UACA: variants seen among roughly 807,000 people sequenced by gnomAD.
UACA encodes the protein nuclear membrane binding protein.
A neutral mutation model predicts 160.5 loss-of-function variants in UACA; 112 were observed. The observed-to-expected ratio is 0.70, with a 90% confidence interval of 0.60 to 0.82. UACA has a LOEUF of 0.82. UACA is among the 40% of genes least tolerant of loss of function. UACA has a pLI of 0.00. For synonymous variants in UACA, 557 were observed against 568.4 expected (o/e 0.98, Z 0.29); for missense variants, 1,574 against 1,614.6 (o/e 0.97, Z 0.43).
chr15:70,659,096 C>T (rs890080858), intron 18 of UACA, among the ~76,000 whole-genome samples: 4 of 152,140 alleles, frequency 2.6e-5, no homozygotes, highest in Non-Finnish European at 5.9e-5. Context: ...CCCACTTGAA[C>T]TTCCTATTCA....
chr15:70,696,505 G>A (rs1436210625), intron 2 of UACA, among the ~76,000 whole-genome samples: 1 of 152,080 alleles, frequency 6.6e-6, no homozygotes, highest in Non-Finnish European at 1.5e-5. Flanking sequence ...GTCTTGCGAC[G>A]CTATTAGTAT....
At position 70,715,716 on chromosome 15, in the gene UACA, T is replaced by A. The variant is rs923993746; in HGVS notation, c.79-16056A>T. 4.6e-5 allele frequency among the ~76,000 whole-genome samples: 7 copies of A among 152,254 alleles called. No individual in the cohort carries two copies. In the South Asian group the frequency reaches 8.3e-4, roughly 18 times the overall value. ...TCACACAGGATTTCCTTCCAGTGAG[T>A]CTTAATACATGTCTCCCATATTAAA... On this transcript the variant is annotated intron_variant, in intron 1 of 18. Transcript: ENST00000322954.
chr15:70,667,146 CTTCT>C lies in UACA; in HGVS notation c.3534_3537del (p.Glu1179LeufsTer4). 1 of 1,613,650 alleles carries C rather than the reference CTTCT, an allele frequency of 6.2e-7. No homozygotes were observed. On this transcript the variant is annotated frameshift_variant, in exon 16 of 19. Coordinates refer to ENST00000322954, the MANE Select transcript of UACA (RefSeq NM_018003.4). LOFTEE classifies it high-confidence loss of function. ...CTCAAGCTGGCTTTTATGATTCCAA[CTTCT>C]TTCTCAAATGCTTCTTTAATCTGCA...
At chr15:70,740,678 A>C (rs1899505210) in intron 1 of UACA, among the ~76,000 whole-genome samples, 1 of 145,810 alleles carries the variant, frequency 6.9e-6, no homozygotes, top group Non-Finnish European at 1.5e-5. Flanking sequence ...ATGGAGTTTT[A>C]GGGCAAAAAT....
chr15:70,727,562 T>A (rs1423014851), intron 1 of UACA, among the ~76,000 whole-genome samples: 2 of 152,200 alleles, frequency 1.3e-5, no homozygotes, highest in Non-Finnish European at 2.9e-5. Context: ...AACAACCTAT[T>A]TATAAATTAT....
At chr15:70,756,253 G>A (rs987387464) in intron 1 of UACA, among the ~76,000 whole-genome samples, 1 of 151,178 alleles carries the variant, frequency 6.6e-6, no homozygotes, top group East Asian at 1.9e-4. Flanking sequence ...TGCAACCTCC[G>A]CCTCCCAGGT....
At chr15:70,760,508 T>C (rs529850925) in intron 1 of UACA, among the ~76,000 whole-genome samples, 5 of 151,714 alleles carry the variant, frequency 3.3e-5, no homozygotes, top group Admixed American at 1.3e-4. Flanking sequence ...GACAACCCAA[T>C]AGAAAAATGG....
chr15:70,693,512 T>C (rs1898013695), intron 3 of UACA, among the ~76,000 whole-genome samples: 1 of 152,122 alleles, frequency 6.6e-6, no homozygotes, highest in South Asian at 2.1e-4. Context: ...GAAAAGACCC[T>C]TGTATTCAAT....
chr15:70,667,818 CTTT>C lies in UACA; in HGVS notation c.2863_2865del (p.Lys955del). On this transcript the variant is annotated inframe_deletion, in exon 16 of 19. Coordinates refer to ENST00000322954, the MANE Select transcript of UACA (RefSeq NM_018003.4). ...TGCAGTGTCACAATCTCTTCTTGGCCTTTTCTGTAGTTGGCCAAGATTTCAGCA... is the reference window on the plus strand; with the variant it reads ...TGCAGTGTCACAATCTCTTCTTGGCCTCTGTAGTTGGCCAAGATTTCAGCA... The C allele has an allele frequency of 6.2e-7, 1 of 1,613,948 alleles. No homozygotes were observed. Among genetic ancestry groups the C allele is most frequent in the Non-Finnish European group, 8.5e-7 (1 of 1,179,994 alleles).
At chr15:70,688,650 C>T (rs1566976628) in intron 5 of UACA, among the ~76,000 whole-genome samples, 1 of 151,844 alleles carries the variant, frequency 6.6e-6, no homozygotes, top group Admixed American at 6.6e-5. Context: ...GTAAAATTAG[C>T]GACCCTTTAC....
At chr15:70,679,707 G>A (rs1897425761) in intron 9 of UACA, 31 bp from the exon 10 acceptor site, 5 of 1,431,156 alleles carry the variant, frequency 3.5e-6, no homozygotes, top group Non-Finnish European at 4.8e-6. Context: ...ACACGGGTCA[G>A]CAAGTGTAAG....
At chr15:70,687,489 T>C in intron 7 of UACA, 51 bp downstream of exon 7, 1 of 1,575,606 alleles carries the variant, frequency 6.3e-7, no homozygotes, top group Non-Finnish European at 8.7e-7. Context: ...ACTTGGCCTT[T>C]CCATCCCTGT....
intron 9 of UACA, among the ~76,000 whole-genome samples, chr15:70,680,937 T>C (rs1897480433): frequency 6.6e-6 from 1 of 152,134 alleles, no homozygotes; most frequent in African/African-American, 2.4e-5. Flanking sequence ...ATCTAGCCCT[T>C]TGTTACTTTA....
In UACA at chr15:70,669,129, G is replaced by A; in HGVS notation, c.1555C>T (p.His519Tyr). The A allele has an allele frequency of 6.2e-7, 1 of 1,614,060 alleles. No individual in the cohort carries two copies. Among genetic ancestry groups the A allele is most frequent in the Non-Finnish European group, 8.5e-7 (1 of 1,180,006 alleles). Residue 519 changes from histidine to tyrosine, a missense_variant, in exon 16 of 19, where the codon CAT becomes TAT. Coordinates refer to ENST00000322954, the MANE Select transcript of UACA (RefSeq NM_018003.4). The stretch of plus-strand genomic sequence containing the variant: ...AAGTGTTCTTTAAGGGCAAGAAAAT[G>A]GGTCTGCATTTGTTTAACTTTACCT... ...SEGKVKQMQT[H>Y]FLALKEHLTS...
chr15:70,749,698 C>CAAAAAAAAAAAAAAAAAAAAAAA (rs11292883), intron 1 of UACA, among the ~76,000 whole-genome samples: 6 of 70,044 alleles, frequency 8.6e-5, no homozygotes, highest in African/African-American at 3.1e-4. Context: ...GACTCCGTCT[C>CAAAAAAAAAAAAAAAAAAAAAAA]AAAAAAAAAA....
At chr15:70,778,610 C>T in the UACA span, among the ~76,000 whole-genome samples, 1 of 152,178 alleles carries the variant, frequency 6.6e-6, no homozygotes, top group Non-Finnish European at 1.5e-5. Flanking sequence ...AGGGTAATCC[C>T]TGCATGTCAA....
At chr15:70,757,978 A>T (rs1226551325) in intron 1 of UACA, among the ~76,000 whole-genome samples, 1 of 152,230 alleles carries the variant, frequency 6.6e-6, no homozygotes, top group East Asian at 1.9e-4. Context: ...GTGTTCCATA[A>T]ATGTTTTCCA....
intron 14 of UACA, 36 bp from the exon 15 acceptor site, chr15:70,671,127 A>C: frequency 1.4e-6 from 2 of 1,398,384 alleles, no homozygotes; most frequent in Non-Finnish European, 2.0e-6. Context: ...TTTAACTTCA[A>C]TATCCATACT....
chr15:70,725,468 T>G (rs1168221268), intron 1 of UACA, among the ~76,000 whole-genome samples: 2 of 152,174 alleles, frequency 1.3e-5, no homozygotes, highest in Non-Finnish European at 2.9e-5. Flanking sequence ...GCATAGTCAT[T>G]TTAATTGTCA....
Sources: allele counts gnomAD v4.1 joint callset (sites outside exome capture counted in the v4.1 genomes callset), GRCh38; gene constraint gnomAD v4.1.1; transcripts MANE v1.5; gene names NCBI Gene and HGNC (gene_info 2026-07-23, HGNC 2026-07-21).